Variants in BCAS3 observed in about 807,000 individuals in gnomAD.
BCAS3 encodes the protein BCAS3 microtubule associated cell migration factor, also known as BCAS4/BCAS3 fusion.
A neutral mutation model predicts 116.1 loss-of-function variants in BCAS3; 53 were observed. The ratio of observed to expected loss-of-function variants is 0.46; its 90% CI spans 0.37 to 0.57. The LOEUF (loss-of-function observed/expected upper bound fraction) is 0.57. Ranked by LOEUF, BCAS3 falls within the 20% of genes least tolerant of loss-of-function variation. The pLI, the probability that BCAS3 is intolerant of heterozygous loss-of-function variation, is 0.00. For synonymous variants in BCAS3, 391 were observed against 408.2 expected (o/e 0.96, Z 0.51); for missense variants, 917 against 1,165.4 (o/e 0.79, Z 3.10).
Position 61,366,685 on chromosome 17 carries a change from A to G in BCAS3, c.2426-1642A>G, listed in dbSNP as rs1270930412. 6.6e-6 allele frequency among the ~76,000 whole-genome samples: 1 copy of G among 152,140 alleles called. No homozygotes were observed. Among genetic ancestry groups the G allele is most frequent in the Non-Finnish European group, 1.5e-5 (1 of 68,022 alleles). On this transcript the variant is annotated intron_variant, in intron 22 of 23. Coordinates refer to ENST00000407086, the MANE Select transcript of BCAS3 (RefSeq NM_017679.5). The surrounding 1 kb of genome is among the most constrained non-coding windows in gnomAD (Gnocchi z 4.5). Reference sequence around the variant, plus strand: ...AGGGAGCTCCCCATTCTCAAGTCCTACCTGACAAGCTGATCCCAAGCAACC... The same window carrying G: ...AGGGAGCTCCCCATTCTCAAGTCCTGCCTGACAAGCTGATCCCAAGCAACC...
chr17:61,074,433 T>A (rs1261679093), intron 19 of BCAS3, among the ~76,000 whole-genome samples: 1 of 152,204 alleles, frequency 6.6e-6, no homozygotes, highest in Non-Finnish European at 1.5e-5. Flanking sequence ...TGTTGTAATT[T>A]GACTATGTCA....
intron 3 of BCAS3, among the ~76,000 whole-genome samples, chr17:60,684,370 C>G (rs16944564): frequency 0.048 from 7,309 of 152,130 alleles, 622 homozygotes; most frequent in African/African-American, 0.17. Context: ...AAGCAATATA[C>G]ACTCTGCACT....
At chr17:61,046,893 CT>C (rs1411733539) in intron 19 of BCAS3, among the ~76,000 whole-genome samples, 2 of 151,798 alleles carry the variant, frequency 1.3e-5, no homozygotes, top group Non-Finnish European at 2.9e-5. Flanking sequence ...GGGAAAGAGA[CT>C]TTGTCTCAGT....
chr17:61,064,601 TG>T (rs2070417989), intron 19 of BCAS3, among the ~76,000 whole-genome samples: 1 of 152,124 alleles, frequency 6.6e-6, no homozygotes, highest in South Asian at 2.1e-4. Flanking sequence ...GAAAAGGAGA[TG>T]GGGAGAAAAG....
intron 14 of BCAS3, chr17:60,987,243 A>G (rs2063199502): frequency 6.8e-6 from 1 of 147,730 alleles, no homozygotes; most frequent in Non-Finnish European, 1.5e-5. Flanking sequence ...CCTCTGTAGT[A>G]TAATTTGAAG....
rs1434534987 is a variant in BCAS3 at position 61,235,445 on chromosome 17, T to G, written c.2426-132882T>G. 2.0e-5 allele frequency among the ~76,000 whole-genome samples: 3 copies of G among 152,228 alleles called. No individual in the cohort carries two copies. Among genetic ancestry groups the G allele is most frequent in the African/African-American group, 7.2e-5 (3 of 41,468 alleles). On this transcript the variant is annotated intron_variant, in intron 22 of 23. Transcript: ENST00000407086. This position sits in a 1 kb window ranked among gnomAD's most constrained non-coding sequence, Gnocchi z 5.0. The stretch of plus-strand genomic sequence containing the variant: ...TCGAGTTGCTTATGCATGAATGTGC[T>G]TGTTTAGCAGGTAGAGTTATTATTC...
intron 8 of BCAS3, among the ~76,000 whole-genome samples, chr17:60,871,899 G>GAATTTTC (rs2055139855): frequency 6.6e-6 from 1 of 151,038 alleles, no homozygotes; most frequent in African/African-American, 2.4e-5. Flanking sequence ...TCTTTTTTTG[G>GAATTTTC]AATTTTCTAT....
intron 14 of BCAS3, among the ~76,000 whole-genome samples, chr17:60,969,532 T>C (rs2061840104): frequency 6.6e-6 from 1 of 152,036 alleles, no homozygotes; most frequent in Non-Finnish European, 1.5e-5. Context: ...AGAAAATAAG[T>C]AGAGCCTTAG....
At chr17:61,107,909 A>G (rs1313809050) in intron 22 of BCAS3, among the ~76,000 whole-genome samples, 1 of 152,178 alleles carries the variant, frequency 6.6e-6, no homozygotes, top group Non-Finnish European at 1.5e-5. Flanking sequence ...CATTGTAAGG[A>G]TATGTTTAAT....
chr17:60,890,940 T>C (rs2057103435), intron 10 of BCAS3, among the ~76,000 whole-genome samples: 1 of 152,182 alleles, frequency 6.6e-6, no homozygotes, highest in Non-Finnish European at 1.5e-5. Context: ...ATCAAGAAAC[T>C]ACTGAAGAAA....
At chr17:60,738,669 C>T (rs2144209806) in intron 5 of BCAS3, among the ~76,000 whole-genome samples, 2 of 151,554 alleles carry the variant, frequency 1.3e-5, no homozygotes, top group South Asian at 4.1e-4. Flanking sequence ...TGTTGTTTGA[C>T]ATATTTAATT....
rs1165497979 is a variant in BCAS3 at position 60,967,225 on chromosome 17, G to T, written c.1221+19873G>T. ...TATTCTCGTTAGCATTTCTTGTTAG[G>T]TGGGTCAGGTGGTGGCAAATTATTT... On this transcript the variant is annotated intron_variant, in intron 14 of 23. Transcript: ENST00000407086. The surrounding 1 kb of genome is among the most constrained non-coding windows in gnomAD (Gnocchi z 4.7). 6.6e-6 allele frequency among the ~76,000 whole-genome samples: 1 copy of T among 152,120 alleles called. No homozygotes were observed. Among genetic ancestry groups the T allele is most frequent in the Non-Finnish European group, 1.5e-5 (1 of 68,032 alleles).
intron 7 of BCAS3, among the ~76,000 whole-genome samples, chr17:60,844,707 A>C (rs1221356590): frequency 1.3e-5 from 2 of 152,132 alleles, no homozygotes; most frequent in Admixed American, 1.3e-4. Context: ...AGTTCTCTTT[A>C]TGTCAGTTGT....
Position 61,128,595 on chromosome 17 carries a change from T to C in BCAS3, c.2425+44031T>C, listed in dbSNP as rs1187159510. On this transcript the variant is annotated intron_variant, in intron 22 of 23. Transcript: ENST00000407086. This position sits in a 1 kb window ranked among gnomAD's most constrained non-coding sequence, Gnocchi z 4.1. ...CAGCACTTATAAAATAAAAAAAGTATGGAGAGAGAGAAAGCAAGTAACCCA... is the reference window on the plus strand; with the variant it reads ...CAGCACTTATAAAATAAAAAAAGTACGGAGAGAGAGAAAGCAAGTAACCCA... 1 of 985,102 alleles carries C rather than the reference T, an allele frequency of 1.0e-6. No homozygotes were observed. The highest frequency in any genetic ancestry group is 1.7e-5 in the African/African-American group (1 of 57,226). The allele number at this position is 985,102 out of a possible 1,614,324, so 61.0% of individuals were successfully genotyped here.
In BCAS3 at chr17:61,365,153, C is replaced by T. The variant is rs1254545747; in HGVS notation, c.2426-3174C>T. Among the ~76,000 whole-genome samples, 1 of 152,204 alleles carries T rather than the reference C, an allele frequency of 6.6e-6. No individual in the cohort carries two copies. Among genetic ancestry groups the T allele is most frequent in the African/African-American group, 2.4e-5 (1 of 41,454 alleles). On this transcript the variant is annotated intron_variant, in intron 22 of 23. Transcript: ENST00000407086. This position sits in a 1 kb window ranked among gnomAD's most constrained non-coding sequence, Gnocchi z 4.6. Reference sequence around the variant, plus strand: ...GGAATCATACAGCTCACGTGTTAGTCTTTCTTGAAGTCCAGGCCTATTTCC... The same window carrying T: ...GGAATCATACAGCTCACGTGTTAGTTTTTCTTGAAGTCCAGGCCTATTTCC...
chr17:60,721,086 C>T lies in BCAS3; in HGVS notation c.321+11761C>T, dbSNP rs187544243. 1.7e-3 allele frequency among the ~76,000 whole-genome samples: 256 copies of T among 152,140 alleles called. 1 individual carries two copies. Among genetic ancestry groups the T allele is most frequent in the African/African-American group, 5.9e-3 (244 of 41,508 alleles). On this transcript the variant is annotated intron_variant, in intron 5 of 23. Coordinates refer to ENST00000407086, the MANE Select transcript of BCAS3 (RefSeq NM_017679.5). ...ATTCTTGAGGTAAATGCCAATTAGT[C>T]TACTATTTATTAGAGGTTGGGTGCC...
At chr17:60,716,943 C>T (rs1351140578) in intron 5 of BCAS3, among the ~76,000 whole-genome samples, 2 of 152,078 alleles carry the variant, frequency 1.3e-5, no homozygotes, top group African/African-American at 4.8e-5. Flanking sequence ...CTGAACAAAA[C>T]AAAGTCATTC....
rs2081723168 is a variant in BCAS3, at chr17:61,215,355, A to C, written c.2425+130791A>C. 6.6e-6 allele frequency among the ~76,000 whole-genome samples: 1 copy of C among 152,214 alleles called. No homozygotes were observed. The highest frequency in any genetic ancestry group is 1.5e-5 in the Non-Finnish European group (1 of 68,026). On this transcript the variant is annotated intron_variant, in intron 22 of 23. Coordinates refer to ENST00000407086, the MANE Select transcript of BCAS3 (RefSeq NM_017679.5). The surrounding 1 kb of genome is among the most constrained non-coding windows in gnomAD (Gnocchi z 4.8). The stretch of plus-strand genomic sequence containing the variant: ...GTTTTACTCATCACTGTCAGTAACT[A>C]GCTCTCTGTCCTTCTGACACTTCAC...
In BCAS3 at chr17:61,366,536, G is replaced by T. The variant is rs1568949586; in HGVS notation, c.2426-1791G>T. Reference sequence around the variant, plus strand: ...GTTGGCTCTGAGCTTGGCACTGCCAGTGCACAGCTCTAGCACAGTTCAGGC... The same window carrying T: ...GTTGGCTCTGAGCTTGGCACTGCCATTGCACAGCTCTAGCACAGTTCAGGC... On this transcript the variant is annotated intron_variant, in intron 22 of 23. Coordinates refer to ENST00000407086, the MANE Select transcript of BCAS3 (RefSeq NM_017679.5). This position sits in a 1 kb window ranked among gnomAD's most constrained non-coding sequence, Gnocchi z 4.5. Among the ~76,000 whole-genome samples the T allele has an allele frequency of 6.6e-6, 1 of 152,228 alleles. No homozygotes were observed. The highest frequency in any genetic ancestry group is 6.5e-5 in the Admixed American group (1 of 15,282).
Sources: gnomAD v4.1 joint callset for allele counts (sites outside exome capture counted in the v4.1 genomes callset) on GRCh38, gnomAD v4.1.1 for gene constraint, Gnocchi (gnomAD v3.1) non-coding constraint, MANE v1.5 for transcripts, NCBI Gene and HGNC (gene_info 2026-07-23, HGNC 2026-07-21) for gene names.